Variants in RBMS3 observed in about 807,000 individuals in gnomAD.
RBMS3 encodes RNA binding motif single stranded interacting protein 3.
Under a neutral mutation model 66.8 loss-of-function variants are expected in RBMS3, and 27 were observed. The observed-to-expected ratio is 0.40, with a 90% CI of 0.30 to 0.56. The LOEUF is 0.56. Ranked by LOEUF, RBMS3 falls within the 20% of genes least tolerant of loss-of-function variation. RBMS3 has a pLI of 0.40. For synonymous variants in RBMS3, 188 were observed against 183.0 expected, an observed-to-expected ratio of 1.03 and a Z score of -0.22; for missense variants, 513 against 549.5, an observed-to-expected ratio of 0.93 and a Z score of 0.66.
chr3:29,804,139 G>A (rs2057471455), intron 6 of RBMS3, among the ~76,000 whole-genome samples: 1 of 151,940 alleles, frequency 6.6e-6, no homozygotes, highest in Admixed American at 6.6e-5. Flanking sequence ...TATTTTAACT[G>A]CTGCTCTCAA....
intron 4 of RBMS3, among the ~76,000 whole-genome samples, chr3:29,632,191 G>A (rs1668389236): frequency 6.6e-6 from 1 of 151,926 alleles, no homozygotes; most frequent in Admixed American, 6.6e-5. Flanking sequence ...TAACTTTTGT[G>A]CAGATGCAGG....
intron 5 of RBMS3, among the ~76,000 whole-genome samples, chr3:29,745,298 C>G (rs553353542): frequency 6.6e-6 from 1 of 152,082 alleles, no homozygotes; most frequent in East Asian, 1.9e-4. Flanking sequence ...GATCCACCCC[C>G]CTCCAGGCAG....
At chr3:29,389,860 T>TATTA (rs2039199646) in intron 1 of RBMS3, among the ~76,000 whole-genome samples, 1 of 152,124 alleles carries the variant, frequency 6.6e-6, no homozygotes, top group Non-Finnish European at 1.5e-5. Context: ...GTTGAGTGCT[T>TATTA]ATTAGTGGTA....
At chr3:29,771,251 G>A (rs557507775) in intron 6 of RBMS3, among the ~76,000 whole-genome samples, 6 of 152,080 alleles carry the variant, frequency 3.9e-5, no homozygotes, top group African/African-American at 1.4e-4. Context: ...AAATTGGCAT[G>A]CTTATGAAGG....
chr3:29,563,701 G>C (rs2046635994), intron 3 of RBMS3, among the ~76,000 whole-genome samples: 1 of 152,104 alleles, frequency 6.6e-6, no homozygotes, highest in Non-Finnish European at 1.5e-5. Context: ...TTTCCATTAT[G>C]TGTAAATATT....
intron 4 of RBMS3, among the ~76,000 whole-genome samples, chr3:29,631,666 A>T (rs2049286667): frequency 6.6e-6 from 1 of 151,876 alleles, no homozygotes; most frequent in Non-Finnish European, 1.5e-5. Context: ...TTATTGATTC[A>T]TTTGTAATGA....
intron 3 of RBMS3, among the ~76,000 whole-genome samples, chr3:29,555,384 A>G (rs1211880456): frequency 2.0e-5 from 3 of 152,172 alleles, no homozygotes; most frequent in Admixed American, 6.5e-5. Flanking sequence ...TCAATGAAGC[A>G]TCTCTGTTTG....
intron 6 of RBMS3, among the ~76,000 whole-genome samples, chr3:29,846,979 G>A (rs2058797203): frequency 6.6e-6 from 1 of 152,030 alleles, no homozygotes; most frequent in South Asian, 2.1e-4. Context: ...CCACATCCAT[G>A]ACCATCTGAT....
intron 1 of RBMS3, among the ~76,000 whole-genome samples, chr3:29,343,818 T>C (rs556004476): frequency 6.6e-6 from 1 of 152,338 alleles, no homozygotes; most frequent in Admixed American, 6.5e-5. Context: ...GAGACAGAAT[T>C]TGAACTAAGA....
intron 3 of RBMS3, among the ~76,000 whole-genome samples, chr3:29,554,949 A>G (rs2046298706): frequency 6.6e-6 from 1 of 152,156 alleles, no homozygotes; most frequent in Non-Finnish European, 1.5e-5. Context: ...GGTTGCATTG[A>G]TATGAAGCAA....
At chr3:29,382,431 C>T (rs183224895) in intron 1 of RBMS3, among the ~76,000 whole-genome samples, 25 of 152,308 alleles carry the variant, frequency 1.6e-4, no homozygotes, top group Non-Finnish European at 3.4e-4. Context: ...ACGCTTACTA[C>T]TTCCTGCCTC....
chr3:29,471,450 G>A (rs527392227), intron 2 of RBMS3, among the ~76,000 whole-genome samples: 5 of 152,136 alleles, frequency 3.3e-5, no homozygotes, highest in African/African-American at 1.2e-4. Flanking sequence ...GCTTCCCCAC[G>A]ATTAAAGTTA....
At chr3:29,513,138 G>A (rs780773940) in intron 3 of RBMS3, among the ~76,000 whole-genome samples, 5 of 152,210 alleles carry the variant, frequency 3.3e-5, no homozygotes, top group East Asian at 3.9e-4. Flanking sequence ...CACTGGTGGC[G>A]GATTTTTATG....
At chr3:29,346,570 A>C (rs529745792) in intron 1 of RBMS3, among the ~76,000 whole-genome samples, 1 of 151,610 alleles carries the variant, frequency 6.6e-6, no homozygotes, top group African/African-American at 2.4e-5. Context: ...TGCCCAGCTA[A>C]TTTTTGTATT....
intron 4 of RBMS3, among the ~76,000 whole-genome samples, chr3:29,595,148 C>A (rs1179665705): frequency 1.3e-5 from 2 of 152,020 alleles, no homozygotes. Flanking sequence ...CCTGTAATCC[C>A]AGCACTTTGG....
At chr3:29,463,671 T>C (rs1368079022) in intron 2 of RBMS3, among the ~76,000 whole-genome samples, 1 of 149,956 alleles carries the variant, frequency 6.7e-6, no homozygotes, top group African/African-American at 2.5e-5. Flanking sequence ...GAGAGGGCTC[T>C]ATAGCACTAC....
intron 4 of RBMS3, among the ~76,000 whole-genome samples, chr3:29,658,423 T>TA (rs1343470453): frequency 1.3e-5 from 2 of 152,212 alleles, no homozygotes; most frequent in Non-Finnish European, 2.9e-5. Flanking sequence ...TTCCAGATGA[T>TA]ATTGATTTTG....
At chr3:29,355,625 A>G (rs2037178929) in intron 1 of RBMS3, among the ~76,000 whole-genome samples, 1 of 152,144 alleles carries the variant, frequency 6.6e-6, no homozygotes, top group Non-Finnish European at 1.5e-5. Context: ...TATTTATTAT[A>G]TCTCGGAAAG....
intron 4 of RBMS3, among the ~76,000 whole-genome samples, chr3:29,690,161 C>G (rs979613827): frequency 6.6e-6 from 1 of 151,700 alleles, no homozygotes; most frequent in Non-Finnish European, 1.5e-5. Flanking sequence ...AGTAAAATGA[C>G]ATATCTGGCC....
Sources: gnomAD v4.1 joint callset for allele counts (sites outside exome capture counted in the v4.1 genomes callset) on GRCh38, gnomAD v4.1.1 for gene constraint, MANE v1.5 for transcripts, NCBI Gene and HGNC (gene_info 2026-07-23, HGNC 2026-07-21) for gene names.